The following COL4A1 variants were observed in gnomAD, a reference collection of about 807,000 sequenced individuals.
COL4A1 encodes collagen type IV alpha 1 chain.
A neutral mutation model predicts 216.6 loss-of-function variants in COL4A1; 40 were observed. The observed-to-expected ratio is 0.18, with a 90% CI of 0.14 to 0.24. The LOEUF is 0.24. COL4A1 is among the 10% of genes least tolerant of loss of function. The pLI is 1.00. For missense variants in COL4A1, 1,628 were observed against 2,196.8 expected (o/e 0.74, Z 5.18); for synonymous variants, 839 against 810.7 (o/e 1.03, Z -0.59).
At chr13:110,293,374 A>G (rs1884160691) in intron 1 of COL4A1, among the ~76,000 whole-genome samples, 1 of 152,256 alleles carries the variant, frequency 6.6e-6, no homozygotes, top group Non-Finnish European at 1.5e-5. Flanking sequence ...GCTATGAATG[A>G]TAAGAAACTC....
chr13:110,262,857 A>G lies in COL4A1; in HGVS notation c.85-20123T>C, dbSNP rs868443439. On this transcript the variant is annotated intron_variant, in intron 1 of 51. Coordinates refer to ENST00000375820, the MANE Select transcript of COL4A1 (RefSeq NM_001845.6). ...CAGTTTACGGCTGTATTTTAAAACC[A>G]GTATTTCATTTCAAGGGCTGCAAGG... is the stretch of plus-strand genomic sequence containing the variant. Among the ~76,000 whole-genome samples the G allele has an allele frequency of 3.9e-5, 6 of 152,336 alleles. 1 individual carries two copies. In the Middle Eastern group the frequency reaches 0.01, roughly 259 times the overall value.
chr13:110,273,897 C>A (rs1170791162), intron 1 of COL4A1, among the ~76,000 whole-genome samples: 3 of 152,204 alleles, frequency 2.0e-5, no homozygotes, highest in Admixed American at 2.0e-4. Flanking sequence ...GCTTACACTG[C>A]AGTTTAAAGC....
rs150363767 is a variant in COL4A1, at chr13:110,203,547, G to A, written c.999+19C>T. ...TCCCCCAGCGCTCTCACAGACCCAG[G>A]GACAGCACTCTTACTCACAATTCCA... On this transcript the variant is annotated intron_variant, in intron 18 of 51. Coordinates refer to ENST00000375820, the MANE Select transcript of COL4A1 (RefSeq NM_001845.6). The A allele has an allele frequency of 5.6e-6, 9 of 1,613,714 alleles. No homozygotes were observed. In the African/African-American group the frequency reaches 8.0e-5, roughly 14 times the overall value.
chr13:110,200,115 A>T (rs1343196081), intron 20 of COL4A1, among the ~76,000 whole-genome samples: 1 of 152,244 alleles, frequency 6.6e-6, no homozygotes, highest in East Asian at 1.9e-4. Context: ...CAAAGCAAAA[A>T]GCGTAAAGGC....
chr13:110,217,382 A>T (rs1445379103), intron 2 of COL4A1, among the ~76,000 whole-genome samples: 1 of 152,006 alleles, frequency 6.6e-6, no homozygotes, highest in Non-Finnish European at 1.5e-5. Context: ...GACCACAGTG[A>T]CCCCCCACTT....
chr13:110,207,334 T>C lies in COL4A1; in HGVS notation c.780+69A>G. ...CTGGAAAAACTGAGTTTTGACCCAT[T>C]TTCTCTTTATCTTTTGGAATTTGTC... On this transcript the variant is annotated intron_variant, in intron 13 of 51. Coordinates refer to ENST00000375820, the MANE Select transcript of COL4A1 (RefSeq NM_001845.6). This position sits in a 1 kb window ranked among gnomAD's most constrained non-coding sequence, Gnocchi z 4.4. 1 of 1,381,088 alleles carries C rather than the reference T, an allele frequency of 7.2e-7. No homozygotes were observed. Among genetic ancestry groups the C allele is most frequent in the Non-Finnish European group, 1.0e-6 (1 of 967,362 alleles). 85.6% of individuals were successfully genotyped at this position (1,381,088 alleles called of 1,614,324 possible). A position where few individuals can be genotyped will look rare whatever the true frequency, so the allele number is the denominator to read the frequency against.
Position 110,224,982 on chromosome 13 carries a change from G to A in COL4A1, c.145-10967C>T, listed in dbSNP as rs9583471. Among the ~76,000 whole-genome samples, 261 of 152,272 alleles carry A rather than the reference G, an allele frequency of 1.7e-3. 1 individual carries two copies. The highest frequency in any genetic ancestry group is 6.0e-3 in the African/African-American group (251 of 41,538). ...CAAAAGCATGCAAGACAGTCTTCAG[G>A]TTTAAACCTTGAGAGAATTGCTCAT... On this transcript the variant is annotated intron_variant, in intron 2 of 51. Transcript: ENST00000375820.
intron 1 of COL4A1, among the ~76,000 whole-genome samples, chr13:110,301,008 A>G (rs1327026439): frequency 6.6e-6 from 1 of 152,266 alleles, no homozygotes; most frequent in Non-Finnish European, 1.5e-5. Flanking sequence ...CAAATCCAGC[A>G]AAGCTTCCAC....
At chr13:110,222,518 A>G (rs1414200567) in intron 2 of COL4A1, among the ~76,000 whole-genome samples, 5 of 136,694 alleles carry the variant, frequency 3.7e-5, no homozygotes, top group Non-Finnish European at 8.3e-5. Flanking sequence ...TCACGCCTGT[A>G]ATCCTAGCAC....
intron 40 of COL4A1, 113 bp from the exon 41 acceptor site, chr13:110,172,883 T>C: frequency 4.7e-6 from 4 of 854,942 alleles, no homozygotes; most frequent in South Asian, 1.3e-5. Flanking sequence ...GTGGAGTACA[T>C]AGATATTAGT....
chr13:110,193,267 T>C (rs930013755), intron 22 of COL4A1, among the ~76,000 whole-genome samples: 7 of 152,258 alleles, frequency 4.6e-5, no homozygotes, highest in Admixed American at 2.6e-4. Flanking sequence ...GACTTGACTT[T>C]TGTAATTTGT....
At position 110,209,923 on chromosome 13, in the gene COL4A1, C is replaced by T. The variant is rs933891900; in HGVS notation, c.615+57G>A. The T allele has an allele frequency of 3.2e-6, 5 of 1,558,490 alleles. No homozygotes were observed. In the East Asian group the frequency reaches 6.7e-5, roughly 21 times the overall value. On this transcript the variant is annotated intron_variant, in intron 10 of 51. Coordinates refer to ENST00000375820, the MANE Select transcript of COL4A1 (RefSeq NM_001845.6). ...TACTAAATTATTATTTATTTTCAAA[C>T]CTCAATATAGTTGTTTTTTAAATGA...
Position 110,190,236 on chromosome 13 carries a change from C to A in COL4A1, c.1536+1978G>T, listed in dbSNP as rs113727057. 5.1e-3 allele frequency among the ~76,000 whole-genome samples: 776 copies of A among 152,058 alleles called. 4 individuals are homozygous for A. The highest frequency in any genetic ancestry group is 8.2e-3 in the Non-Finnish European group (556 of 67,994). On this transcript the variant is annotated intron_variant, in intron 24 of 51. Transcript: ENST00000375820. Reference sequence around the variant, plus strand: ...TTCTTTGCCACAGAACTTCTTGATTCTAAGTAGTTCAAAGGTCTTTTGATC... The same window carrying A: ...TTCTTTGCCACAGAACTTCTTGATTATAAGTAGTTCAAAGGTCTTTTGATC...
At chr13:110,274,455 T>C (rs1189572238) in intron 1 of COL4A1, among the ~76,000 whole-genome samples, 1 of 152,198 alleles carries the variant, frequency 6.6e-6, no homozygotes, top group Non-Finnish European at 1.5e-5. Flanking sequence ...GGTCTGAACT[T>C]GGATCTGGCC....
intron 1 of COL4A1, among the ~76,000 whole-genome samples, chr13:110,272,023 T>C (rs1017348401): frequency 7.2e-5 from 11 of 152,174 alleles, no homozygotes; most frequent in African/African-American, 2.7e-4. Flanking sequence ...ATTCAAGGGG[T>C]AAGATCAGGT....
intron 2 of COL4A1, among the ~76,000 whole-genome samples, chr13:110,221,194 T>C (rs1226688913): frequency 6.6e-6 from 1 of 152,244 alleles, no homozygotes; most frequent in African/African-American, 2.4e-5. Flanking sequence ...TCAAGTCATA[T>C]GTAATCCAAA....
At chr13:110,171,001 T>G (rs926886088) in intron 41 of COL4A1, among the ~76,000 whole-genome samples, 4 of 152,230 alleles carry the variant, frequency 2.6e-5, no homozygotes, top group African/African-American at 4.8e-5. Flanking sequence ...ACGAGACGTG[T>G]TCTATGGCAA....
chr13:110,200,769 C>T lies in COL4A1; in HGVS notation c.1120+85G>A. ...CTACCGATTGTGTGCAAATATCTAA[C>T]ATTCGTGATAAATTATATATTCAGA... On this transcript the variant is annotated intron_variant, in intron 20 of 51. Coordinates refer to ENST00000375820, the MANE Select transcript of COL4A1 (RefSeq NM_001845.6). 2.9e-6 allele frequency: 4 copies of T among 1,381,098 alleles called. No homozygotes were observed. In the Admixed American group the frequency reaches 5.2e-5, roughly 18 times the overall value. The allele number at this position is 1,381,098 out of a possible 1,614,324, so 85.6% of individuals were successfully genotyped here. A position where few individuals can be genotyped will look rare whatever the true frequency, so the allele number is the denominator to read the frequency against.
At chr13:110,295,761 G>GA (rs1884252023) in intron 1 of COL4A1, among the ~76,000 whole-genome samples, 1 of 152,162 alleles carries the variant, frequency 6.6e-6, no homozygotes, top group African/African-American at 2.4e-5. Context: ...AACCTATGCT[G>GA]AATTCTAAAA....
Sources: gnomAD v4.1 joint callset for allele counts (sites outside exome capture counted in the v4.1 genomes callset) on GRCh38, gnomAD v4.1.1 for gene constraint, Gnocchi (gnomAD v3.1) non-coding constraint, MANE v1.5 for transcripts, NCBI Gene and HGNC (gene_info 2026-07-23, HGNC 2026-07-21) for gene names.